EPHA6: variants seen among roughly 807,000 people sequenced by gnomAD.
EPHA6 encodes the protein ephrin type-A receptor 6.
In EPHA6, 50 loss-of-function variants were observed where a neutral mutation model predicts 112.0. That is an observed-to-expected ratio of 0.45 (90% CI 0.36 to 0.56). The LOEUF (loss-of-function observed/expected upper bound fraction) is 0.56. EPHA6 is among the 20% of genes least tolerant of loss of function. The probability of loss-of-function intolerance (pLI) is 0.00; values close to 1 mark genes in which losing one functional copy is unlikely to be tolerated. For missense variants in EPHA6, 1,280 were observed against 1,417.4 expected (o/e 0.90, Z 1.56); for synonymous variants, 529 against 490.7 (o/e 1.08, Z -1.03).
chr3:97,321,173 G>A (rs992869340), intron 5 of EPHA6, among the ~76,000 whole-genome samples: 7 of 148,718 alleles, frequency 4.7e-5, no homozygotes, highest in Admixed American at 2.6e-4. Context: ...GCAGTAGGCT[G>A]GATTCATCAA....
intron 5 of EPHA6, among the ~76,000 whole-genome samples, chr3:97,331,199 G>A (rs1304347924): frequency 3.9e-5 from 6 of 152,048 alleles, no homozygotes; most frequent in East Asian, 1.9e-4. Flanking sequence ...TGAAACCAGC[G>A]AGAACAAAGA....
At chr3:97,034,765 G>A (rs1259564342) in intron 3 of EPHA6, among the ~76,000 whole-genome samples, 2 of 151,878 alleles carry the variant, frequency 1.3e-5, no homozygotes, top group African/African-American at 2.4e-5. Context: ...CACATACAGA[G>A]TACTGTTTCT....
chr3:97,484,612 C>T (rs143370114), intron 10 of EPHA6, among the ~76,000 whole-genome samples: 1 of 152,284 alleles, frequency 6.6e-6, no homozygotes, highest in East Asian at 1.9e-4. Flanking sequence ...TTATGCTGTA[C>T]ATTAGTTAAG....
At chr3:97,067,646 G>A (rs2046220183) in intron 3 of EPHA6, among the ~76,000 whole-genome samples, 3 of 152,026 alleles carry the variant, frequency 2.0e-5, no homozygotes, top group Non-Finnish European at 4.4e-5. Context: ...ACTCAGAGAA[G>A]ATGGCATGTA....
intron 5 of EPHA6, among the ~76,000 whole-genome samples, chr3:97,312,982 A>G (rs1158845996): frequency 6.6e-6 from 1 of 151,482 alleles, no homozygotes; most frequent in African/African-American, 2.4e-5. Context: ...TGTGGTCACT[A>G]TGCTTAATAA....
intron 5 of EPHA6, among the ~76,000 whole-genome samples, chr3:97,274,420 G>A (rs1489853677): frequency 1.3e-5 from 2 of 152,190 alleles, no homozygotes; most frequent in Non-Finnish European, 2.9e-5. Flanking sequence ...GAAGTAAAGC[G>A]GCCTTGAGCA....
chr3:97,447,319 A>G (rs1577440688), intron 6 of EPHA6, among the ~76,000 whole-genome samples: 3 of 152,138 alleles, frequency 2.0e-5, no homozygotes, highest in Non-Finnish European at 2.9e-5. Flanking sequence ...CTCCTAAATA[A>G]CAGTGGTTTT....
rs149693643 is a variant in EPHA6, at chr3:97,631,716, G to A, written c.2575-6157G>A. On this transcript the variant is annotated intron_variant, in intron 13 of 17. Coordinates refer to ENST00000389672, the MANE Select transcript of EPHA6 (RefSeq NM_001080448.3). The stretch of plus-strand genomic sequence containing the variant: ...GAAGGGTATCCTCTAAATGTTTGTA[G>A]AATCAGTGACATGCAATTTTTGTTA... Among the ~76,000 whole-genome samples, 380 of 152,102 alleles carry A rather than the reference G, an allele frequency of 2.5e-3. 1 individual carries two copies. The highest frequency in any genetic ancestry group is 8.4e-3 in the African/African-American group (349 of 41,520).
At chr3:97,499,789 A>G (rs867916008) in intron 10 of EPHA6, among the ~76,000 whole-genome samples, 32 of 152,166 alleles carry the variant, frequency 2.1e-4, no homozygotes, top group Middle Eastern at 3.2e-3. Flanking sequence ...AGCTTGAAGG[A>G]CTAGAAGTTG....
In EPHA6 at chr3:97,750,746, C is replaced by T. The variant is rs1212423609; in HGVS notation, c.*2045C>T. 1.3e-5 allele frequency among the ~76,000 whole-genome samples: 2 copies of T among 152,054 alleles called. No individual in the cohort carries two copies. The highest frequency in any genetic ancestry group is 2.4e-5 in the African/African-American group (1 of 41,398). ...TTGCTGACTTGTCTCCTGATTTTTC[C>T]CTACCACAGCTTAATCCTTCTCATT... On this transcript the variant is annotated 3_prime_UTR_variant, in exon 18 of 18. Transcript: ENST00000389672.
chr3:97,236,706 G>T (rs151144891), intron 4 of EPHA6, among the ~76,000 whole-genome samples: 10 of 152,164 alleles, frequency 6.6e-5, no homozygotes, highest in African/African-American at 2.2e-4. Flanking sequence ...ACAGTGATTG[G>T]GAAGAAAGCA....
chr3:97,218,148 G>A (rs1231502282), intron 3 of EPHA6, among the ~76,000 whole-genome samples: 1 of 151,962 alleles, frequency 6.6e-6, no homozygotes, highest in Non-Finnish European at 1.5e-5. Flanking sequence ...GTGCATGCCT[G>A]TAGTCCCAGC....
At chr3:96,855,781 C>T (rs529063841) in intron 1 of EPHA6, among the ~76,000 whole-genome samples, 20 of 151,362 alleles carry the variant, frequency 1.3e-4, no homozygotes, top group Non-Finnish European at 2.9e-4. Flanking sequence ...GAAATATGAG[C>T]AACTGAAGTA....
At chr3:97,194,071 T>C (rs1467292470) in intron 3 of EPHA6, among the ~76,000 whole-genome samples, 3 of 152,040 alleles carry the variant, frequency 2.0e-5, no homozygotes, top group Admixed American at 2.0e-4. Flanking sequence ...TCAATTTTAT[T>C]TCTTCTCTGA....
chr3:97,173,324 G>A (rs1393873523), intron 3 of EPHA6, among the ~76,000 whole-genome samples: 1 of 151,666 alleles, frequency 6.6e-6, no homozygotes, highest in Non-Finnish European at 1.5e-5. Flanking sequence ...AAGAACTAGT[G>A]GAAATGTCTG....
At chr3:97,515,487 T>C (rs1049197171) in intron 10 of EPHA6, among the ~76,000 whole-genome samples, 1 of 152,218 alleles carries the variant, frequency 6.6e-6, no homozygotes, top group Non-Finnish European at 1.5e-5. Context: ...ATTCTTCTGA[T>C]GGAAGAAATG....
intron 3 of EPHA6, among the ~76,000 whole-genome samples, chr3:97,054,691 T>C (rs2045797338): frequency 6.6e-6 from 1 of 152,104 alleles, no homozygotes; most frequent in Admixed American, 6.6e-5. Flanking sequence ...GAAAGAAATA[T>C]TTCTTATAAT....
At chr3:97,656,910 G>T (rs923000034) in intron 14 of EPHA6, among the ~76,000 whole-genome samples, 1 of 151,862 alleles carries the variant, frequency 6.6e-6, no homozygotes, top group Non-Finnish European at 1.5e-5. Context: ...TAAGAACAGG[G>T]TATTATCATA....
At chr3:97,613,135 C>T (rs2093734670) in intron 13 of EPHA6, among the ~76,000 whole-genome samples, 1 of 151,884 alleles carries the variant, frequency 6.6e-6, no homozygotes, top group Non-Finnish European at 1.5e-5. Context: ...ATGTTCTTAC[C>T]CTTCTTTGTA....
Sources: allele counts gnomAD v4.1 joint callset (sites outside exome capture counted in the v4.1 genomes callset), GRCh38; gene constraint gnomAD v4.1.1; transcripts MANE v1.5; gene names NCBI Gene and HGNC (gene_info 2026-07-23, HGNC 2026-07-21).